EEA1: variants seen among roughly 807,000 people sequenced by gnomAD.
EEA1 encodes early endosome antigen 1.
Under a neutral mutation model 209.2 loss-of-function variants are expected in EEA1, and 111 were observed. The ratio of observed to expected loss-of-function variants is 0.53; its 90% CI spans 0.45 to 0.62. The LOEUF is 0.62. Among genes scored for constraint, EEA1 ranks in the 20% least tolerant of loss-of-function variants. The pLI, the probability that EEA1 is intolerant of heterozygous loss-of-function variation, is 0.00. For missense variants in EEA1, 1,343 were observed against 1,530.8 expected (o/e 0.88, Z 2.05); for synonymous variants, 536 against 540.6 (o/e 0.99, Z 0.12).
intron 9 of EEA1, among the ~76,000 whole-genome samples, chr12:92,844,555 G>C (rs1298596127): frequency 6.6e-6 from 1 of 152,062 alleles, no homozygotes; most frequent in Non-Finnish European, 1.5e-5. Flanking sequence ...AAAACCATCT[G>C]TCTTAAACTG....
At chr12:92,850,402 G>C (rs1411175408) in intron 9 of EEA1, among the ~76,000 whole-genome samples, 1 of 152,106 alleles carries the variant, frequency 6.6e-6, no homozygotes, top group East Asian at 1.9e-4. Flanking sequence ...TTAGAAATAA[G>C]CTTATGGCCG....
At chr12:92,907,779 C>T (rs1880434876) in intron 1 of EEA1, among the ~76,000 whole-genome samples, 1 of 152,130 alleles carries the variant, frequency 6.6e-6, no homozygotes, top group South Asian at 2.1e-4. Context: ...TCAATAATAT[C>T]CTCATTTATC....
At chr12:92,784,481 A>G (rs1298515569) in intron 22 of EEA1, among the ~76,000 whole-genome samples, 4 of 152,198 alleles carry the variant, frequency 2.6e-5, no homozygotes, top group Non-Finnish European at 5.9e-5. Context: ...GTTTAAAAAT[A>G]CCAACGCTTG....
At chr12:92,858,745 GC>G in intron 3 of EEA1, 1 of 753,974 alleles carries the variant, frequency 1.3e-6, no homozygotes, top group Non-Finnish European at 2.5e-6. Context: ...GATGAGGGAT[GC>G]CCTAAAGGAG....
At chr12:92,818,734 G>C (rs1481158299) in intron 14 of EEA1, among the ~76,000 whole-genome samples, 1 of 152,052 alleles carries the variant, frequency 6.6e-6, no homozygotes, top group Non-Finnish European at 1.5e-5. Context: ...AAAAGCAACT[G>C]TAAATTCTTT....
At chr12:92,804,328 T>G (rs1875079562) in intron 18 of EEA1, among the ~76,000 whole-genome samples, 1 of 152,140 alleles carries the variant, frequency 6.6e-6, no homozygotes, top group Non-Finnish European at 1.5e-5. Context: ...ATCCCAGCAC[T>G]GTGGGAGGCC....
At chr12:92,922,285 A>G (rs1592781084) in intron 1 of EEA1, among the ~76,000 whole-genome samples, 1 of 151,942 alleles carries the variant, frequency 6.6e-6, no homozygotes, top group African/African-American at 2.4e-5. Context: ...CTATTCCACC[A>G]CCCTCACAGC....
intron 21 of EEA1, among the ~76,000 whole-genome samples, chr12:92,798,342 A>T (rs1874746401): frequency 7.4e-6 from 1 of 135,466 alleles, no homozygotes; most frequent in Non-Finnish European, 1.7e-5. Flanking sequence ...TTACATTATT[A>T]TTATTATTAT....
chr12:92,853,884 C>A, intron 6 of EEA1, 31 bp downstream of exon 6: 1 of 1,581,916 alleles, frequency 6.3e-7, no homozygotes, highest in Non-Finnish European at 8.6e-7. Flanking sequence ...AAAAAGAAAA[C>A]TGACAAAATA....
chr12:92,779,555 T>C (rs1873813383), intron 24 of EEA1, among the ~76,000 whole-genome samples: 1 of 152,112 alleles, frequency 6.6e-6, no homozygotes, highest in Non-Finnish European at 1.5e-5. Context: ...CAAACTGTAC[T>C]CTCTATTTTC....
rs765055944 is a variant in EEA1 at position 92,787,855 on chromosome 12, A to G, written c.3150+12T>C. 1 of 1,582,312 alleles carries G rather than the reference A, an allele frequency of 6.3e-7. No homozygotes were observed. The highest frequency in any genetic ancestry group is 2.3e-5 in the East Asian group (1 of 44,082). On this transcript the variant is annotated intron_variant, in intron 22 of 28. Coordinates refer to ENST00000322349, the MANE Select transcript of EEA1 (RefSeq NM_003566.4). ...TTACTGAGACTTTATGGTACAGTAT[A>G]GTTTACTATACCTTAAGATCTTGCC...
At chr12:92,881,348 A>G (rs1879132078) in intron 2 of EEA1, among the ~76,000 whole-genome samples, 1 of 152,096 alleles carries the variant, frequency 6.6e-6, no homozygotes, top group Non-Finnish European at 1.5e-5. Flanking sequence ...TGAGCCCGGG[A>G]GATCGAGCAG....
intron 23 of EEA1, 113 bp downstream of exon 23, chr12:92,781,837 G>A (rs1384012162): frequency 1.1e-6 from 1 of 891,980 alleles, no homozygotes; most frequent in Non-Finnish European, 1.6e-6. Flanking sequence ...GTCCCTCTGA[G>A]AGAGCTGTTG....
intron 9 of EEA1, among the ~76,000 whole-genome samples, chr12:92,843,167 AT>A (rs1031210300): frequency 2.6e-5 from 4 of 151,316 alleles, no homozygotes; most frequent in African/African-American, 4.9e-5. Context: ...AATTATTATT[AT>A]TTTTTTTTAT....
intron 1 of EEA1, among the ~76,000 whole-genome samples, chr12:92,903,299 T>C (rs559611063): frequency 2.6e-5 from 4 of 151,474 alleles, no homozygotes; most frequent in African/African-American, 9.7e-5. Context: ...GAAGGTTATG[T>C]AGAAAAATGA....
chr12:92,917,063 G>A (rs1259274511), intron 1 of EEA1, among the ~76,000 whole-genome samples: 31 of 147,694 alleles, frequency 2.1e-4, no homozygotes, highest in Admixed American at 2.1e-3. Context: ...AAAAAGAAAT[G>A]AGCAAAGCCT....
chr12:92,829,506 C>T (rs765871949), intron 11 of EEA1, among the ~76,000 whole-genome samples: 6 of 151,996 alleles, frequency 3.9e-5, no homozygotes, highest in African/African-American at 9.7e-5. Context: ...TGGCTGGGCG[C>T]GGTGGCTCAT....
intron 1 of EEA1, among the ~76,000 whole-genome samples, chr12:92,916,931 G>C (rs1201914787): frequency 6.6e-6 from 1 of 150,894 alleles, no homozygotes; most frequent in Admixed American, 6.6e-5. Context: ...CAAGGCTCGA[G>C]AACTACGTGA....
At position 92,864,885 on chromosome 12, in the gene EEA1, C is replaced by T; in HGVS notation, c.220G>A (p.Gly74Arg). Residue 74 changes from glycine (G) to arginine (R), a missense_variant, in exon 3 of 29, where the codon GGA becomes AGA. Gly to Arg is a moderately radical substitution (Grantham distance 125). Transcript: ENST00000322349. Reference sequence around the variant, plus strand: ...CGCTTCAAAGCAAGATTAGACTCTCCTCCATGACCTGAGTCATTACCAGCA... The same window carrying T: ...CGCTTCAAAGCAAGATTAGACTCTCTTCCATGACCTGAGTCATTACCAGCA... ...HDAGNDSGHG[G>R]ESNLALKRDD... The T allele has an allele frequency of 6.2e-6, 10 of 1,606,652 alleles. No individual in the cohort carries two copies. Among genetic ancestry groups the T allele is most frequent in the Non-Finnish European group, 8.5e-6 (10 of 1,177,100 alleles).
Sources: allele counts gnomAD v4.1 joint callset (sites outside exome capture counted in the v4.1 genomes callset), GRCh38; gene constraint gnomAD v4.1.1; transcripts MANE v1.5; gene names NCBI Gene and HGNC (gene_info 2026-07-23, HGNC 2026-07-21).